The following BMPR1B variants were observed in gnomAD, a reference collection of about 807,000 sequenced individuals.
BMPR1B encodes bone morphogenetic protein receptor type 1B.
BMPR1B carries 12 observed loss-of-function variants against 59.1 expected under a neutral mutation model. The observed-to-expected ratio is 0.20, with a 90% confidence interval of 0.13 to 0.33. BMPR1B has a LOEUF of 0.33. Among genes scored for constraint, BMPR1B ranks in the 10% least tolerant of loss-of-function variants. BMPR1B has a pLI of 1.00. For missense variants in BMPR1B, 550 were observed against 610.9 expected (o/e 0.90, Z 1.05); for synonymous variants, 237 against 207.3 (o/e 1.14, Z -1.23).
chr4:95,093,794 A>G (rs73837202), intron 3 of BMPR1B, among the ~76,000 whole-genome samples: 1 of 152,088 alleles, frequency 6.6e-6, no homozygotes, highest in Non-Finnish European at 1.5e-5. Context: ...ACACTCACAA[A>G]TATTTTATGA....
chr4:95,079,706 C>A (rs1579043187), intron 3 of BMPR1B, among the ~76,000 whole-genome samples: 1 of 151,366 alleles, frequency 6.6e-6, no homozygotes, highest in Admixed American at 6.6e-5. Flanking sequence ...GTTTGTCTCT[C>A]TATATATACA....
At chr4:95,066,158 A>G (rs1267319527) in intron 3 of BMPR1B, among the ~76,000 whole-genome samples, 2 of 152,338 alleles carry the variant, frequency 1.3e-5, no homozygotes, top group South Asian at 2.1e-4. Context: ...GACAAAGCAC[A>G]GGCCCTAGGC....
intron 1 of BMPR1B, among the ~76,000 whole-genome samples, chr4:94,826,980 C>CA (rs1428092478): frequency 3.3e-5 from 5 of 152,020 alleles, no homozygotes; most frequent in Admixed American, 3.3e-4. Context: ...GATATAATTA[C>CA]AAAAATAAGC....
chr4:95,051,610 A>T, intron 3 of BMPR1B: 1 of 1,208,638 alleles, frequency 8.3e-7, no homozygotes, highest in Non-Finnish European at 1.2e-6. Context: ...ATCTGACAAG[A>T]GTGGCAGCAG....
intron 3 of BMPR1B, among the ~76,000 whole-genome samples, chr4:95,063,016 TTATA>T (rs1369496641): frequency 6.6e-6 from 1 of 152,170 alleles, no homozygotes; most frequent in African/African-American, 2.4e-5. Flanking sequence ...TATTGACATT[TTATA>T]AGATACTCTG....
chr4:95,121,210 T>C lies in BMPR1B; in HGVS notation c.350-2600T>C, dbSNP rs560267019. Among the ~76,000 whole-genome samples, 4 of 152,262 alleles carry C rather than the reference T, an allele frequency of 2.6e-5. No homozygotes were observed. The South Asian group carries it at 8.3e-4, about 32-fold the overall frequency. ...ACAAAGAATATGAAATACATAGGAATACAGCTAACCAAGGAGGTAAAAGAC... is the reference window on the plus strand; with the variant it reads ...ACAAAGAATATGAAATACATAGGAACACAGCTAACCAAGGAGGTAAAAGAC... On this transcript the variant is annotated intron_variant, in intron 6 of 12. Transcript: ENST00000515059.
chr4:95,072,864 C>T (rs1005424216), intron 3 of BMPR1B, among the ~76,000 whole-genome samples: 15 of 151,926 alleles, frequency 9.9e-5, no homozygotes, highest in Non-Finnish European at 1.6e-4. Flanking sequence ...TTTAAGTATT[C>T]TGAATTTGGT....
chr4:95,109,885 G>C (rs538199383), intron 4 of BMPR1B, among the ~76,000 whole-genome samples: 1 of 104,652 alleles, frequency 9.6e-6, no homozygotes, highest in Non-Finnish European at 1.8e-5. Context: ...AACAGTCCCC[G>C]GTGTGTGATG....
chr4:95,146,191 G>A (rs774036728), intron 10 of BMPR1B, among the ~76,000 whole-genome samples: 3 of 152,164 alleles, frequency 2.0e-5, no homozygotes, highest in Admixed American at 6.5e-5. Flanking sequence ...TAGGGCAAAC[G>A]TCTAGGGTGG....
chr4:95,057,393 C>A (rs149627466), intron 3 of BMPR1B, among the ~76,000 whole-genome samples: 6 of 152,034 alleles, frequency 3.9e-5, no homozygotes, highest in African/African-American at 1.4e-4. Flanking sequence ...TACAGGCACA[C>A]GCCACCACGC....
At chr4:94,846,723 A>G (rs1042493790) in intron 1 of BMPR1B, among the ~76,000 whole-genome samples, 12 of 25,040 alleles carry the variant, frequency 4.8e-4, no homozygotes, top group African/African-American at 1.9e-3. Flanking sequence ...ATATATCTAT[A>G]TATCTATATC....
intron 3 of BMPR1B, among the ~76,000 whole-genome samples, chr4:95,050,679 A>C (rs1388205436): frequency 6.6e-6 from 1 of 152,210 alleles, no homozygotes; most frequent in East Asian, 1.9e-4. Flanking sequence ...CTTAGATATA[A>C]ACATTGTAAT....
intron 1 of BMPR1B, among the ~76,000 whole-genome samples, chr4:94,869,869 T>A (rs1469062512): frequency 6.6e-6 from 1 of 152,216 alleles, no homozygotes; most frequent in East Asian, 1.9e-4. Context: ...GAGGCACCAC[T>A]TTCCCCCTTG....
intron 1 of BMPR1B, among the ~76,000 whole-genome samples, chr4:94,813,673 A>G (rs1264261883): frequency 7.9e-5 from 12 of 152,170 alleles, no homozygotes; most frequent in Non-Finnish European, 1.5e-5. Flanking sequence ...TTGAGCCGCT[A>G]TGTTGAGAGT....
At chr4:94,929,875 C>G (rs1326583261) in intron 2 of BMPR1B, among the ~76,000 whole-genome samples, 1 of 152,052 alleles carries the variant, frequency 6.6e-6, no homozygotes, top group African/African-American at 2.4e-5. Context: ...CCTTCCCCCA[C>G]CAGATTTGCT....
chr4:94,970,318 TTC>T (rs1560573205), intron 2 of BMPR1B, among the ~76,000 whole-genome samples: 3 of 130,390 alleles, frequency 2.3e-5, no homozygotes, highest in African/African-American at 2.9e-5. Flanking sequence ...CTCTCTCTCT[TTC>T]TCTCTTTTTC....
intron 3 of BMPR1B, among the ~76,000 whole-genome samples, chr4:95,029,960 G>A (rs550790083): frequency 7.6e-4 from 116 of 151,954 alleles, no homozygotes; most frequent in Middle Eastern, 3.4e-3. Context: ...TTTTGATGGG[G>A]TTGTTTGTTT....
At chr4:95,091,310 TC>T (rs1402689785) in intron 3 of BMPR1B, 2 of 205,668 alleles carry the variant, frequency 9.7e-6, no homozygotes, top group East Asian at 1.9e-4. Flanking sequence ...TGTTTTTGAC[TC>T]CTAGGTTTCT....
At chr4:94,785,650 C>T (rs914561068) in intron 1 of BMPR1B, among the ~76,000 whole-genome samples, 2 of 152,114 alleles carry the variant, frequency 1.3e-5, no homozygotes, top group Non-Finnish European at 2.9e-5. Context: ...CAGAGAACTG[C>T]TATAATTTCT....
Sources: gnomAD v4.1 joint callset for allele counts (sites outside exome capture counted in the v4.1 genomes callset) on GRCh38, gnomAD v4.1.1 for gene constraint, MANE v1.5 for transcripts, NCBI Gene and HGNC (gene_info 2026-07-23, HGNC 2026-07-21) for gene names.